Variants in FOCAD observed in about 807,000 individuals in gnomAD.
FOCAD encodes the protein focadhesin.
Under a neutral mutation model 225.6 loss-of-function variants are expected in FOCAD, and 198 were observed. The ratio of observed to expected loss-of-function variants is 0.88; its 90% CI spans 0.78 to 0.99. The LOEUF is 0.99. Ranked by LOEUF, FOCAD falls within the 50% of genes least tolerant of loss-of-function variation. FOCAD has a pLI of 0.00. For missense variants in FOCAD, 2,713 were observed against 2,123.6 expected (o/e 1.28, Z -5.46); for synonymous variants, 897 against 755.0 (o/e 1.19, Z -3.08).
intron 8 of FOCAD, among the ~76,000 whole-genome samples, chr9:20,775,618 C>T (rs1365373010): frequency 6.6e-6 from 1 of 152,142 alleles, no homozygotes; most frequent in Non-Finnish European, 1.5e-5. Context: ...CTTGTTTTCT[C>T]TTTAAAAATA....
chr9:20,904,070 G>C (rs1272663232), intron 21 of FOCAD, among the ~76,000 whole-genome samples: 2 of 151,916 alleles, frequency 1.3e-5, no homozygotes, highest in East Asian at 3.9e-4. Flanking sequence ...TCAAGGTTCA[G>C]CCATAGTGTA....
chr9:20,684,962 C>G (rs1026284793), intron 1 of FOCAD, among the ~76,000 whole-genome samples: 1 of 152,206 alleles, frequency 6.6e-6, no homozygotes, highest in Non-Finnish European at 1.5e-5. Flanking sequence ...TGCATTTACC[C>G]TTCATGAGTT....
At chr9:20,709,782 A>G (rs1468335710) in intron 1 of FOCAD, among the ~76,000 whole-genome samples, 1 of 152,238 alleles carries the variant, frequency 6.6e-6, no homozygotes, top group Non-Finnish European at 1.5e-5. Context: ...TAGGAAAGGT[A>G]AAGTTACTAT....
Position 20,720,553 on chromosome 9 carries a change from TTGGTCAGTTAA to T in FOCAD, c.287+22_287+32del. 6.2e-7 allele frequency: 1 copy of T among 1,611,142 alleles called. No homozygotes were observed. The highest frequency in any genetic ancestry group is 2.2e-5 in the East Asian group (1 of 44,840). On this transcript the variant is annotated intron_variant, in intron 4 of 43. Transcript: ENST00000338382. ...CAACCAGGTACTTTTTCCTCAGTGT[TTGGTCAGTTAA>T]TGATTTAAGTTTTTAGGAAAAAAAT...
At chr9:20,762,263 A>G (rs1015918541) in intron 6 of FOCAD, among the ~76,000 whole-genome samples, 3 of 152,200 alleles carry the variant, frequency 2.0e-5, no homozygotes, top group Non-Finnish European at 4.4e-5. Context: ...TACATACATT[A>G]TCTGATTCCT....
At chr9:20,783,161 C>T (rs990412426) in intron 10 of FOCAD, among the ~76,000 whole-genome samples, 2 of 152,152 alleles carry the variant, frequency 1.3e-5, no homozygotes, top group Non-Finnish European at 2.9e-5. Flanking sequence ...CACCCCAACT[C>T]TAATACATAA....
intron 23 of FOCAD, among the ~76,000 whole-genome samples, chr9:20,913,573 C>G (rs373594284): frequency 2.0e-5 from 3 of 152,160 alleles, no homozygotes; most frequent in Admixed American, 6.5e-5. Context: ...ATAGCTTTGC[C>G]TACAACCACA....
chr9:20,802,322 A>G (rs924843855), intron 11 of FOCAD, among the ~76,000 whole-genome samples: 2 of 152,164 alleles, frequency 1.3e-5, no homozygotes, highest in African/African-American at 4.8e-5. Context: ...GAATTTTATT[A>G]TATTGGAGAA....
At chr9:20,977,721 C>T (rs959492424) in intron 36 of FOCAD, among the ~76,000 whole-genome samples, 2 of 152,156 alleles carry the variant, frequency 1.3e-5, no homozygotes, top group African/African-American at 4.8e-5. Flanking sequence ...TACAATTTTT[C>T]ACTTAAGTGC....
chr9:20,960,848 G>GT (rs550570341), intron 35 of FOCAD, among the ~76,000 whole-genome samples: 19 of 151,616 alleles, frequency 1.3e-4, no homozygotes, highest in African/African-American at 4.1e-4. Context: ...GTGGTGTTTG[G>GT]TTTTTTGTTC....
At position 20,781,936 on chromosome 9, in the gene FOCAD, A is replaced by T; in HGVS notation, c.1197+7A>T. 1 of 1,612,014 alleles carries T rather than the reference A, an allele frequency of 6.2e-7. No individual in the cohort carries two copies. Among genetic ancestry groups the T allele is most frequent in the East Asian group, 2.2e-5 (1 of 44,822 alleles). On this transcript the variant is annotated splice_region_variant and intron_variant, in intron 10 of 43. Transcript: ENST00000338382. ...CAGAGATGACCACCAAAAGGTAATGAATCTATCCTTGTTTCTCTTAAATAA... is the reference window on the plus strand; with the variant it reads ...CAGAGATGACCACCAAAAGGTAATGTATCTATCCTTGTTTCTCTTAAATAA...
At chr9:20,852,272 G>A (rs1049629657) in intron 15 of FOCAD, among the ~76,000 whole-genome samples, 4 of 151,714 alleles carry the variant, frequency 2.6e-5, no homozygotes, top group African/African-American at 9.7e-5. Context: ...TAGATTATAG[G>A]TTTTGTCTTT....
chr9:20,828,990 G>C lies in FOCAD; in HGVS notation c.1920+5875G>C, dbSNP rs548321703. 2.0e-5 allele frequency among the ~76,000 whole-genome samples: 3 copies of C among 152,248 alleles called. No individual in the cohort carries two copies. In the South Asian group the frequency reaches 6.2e-4, roughly 32 times the overall value. On this transcript the variant is annotated intron_variant, in intron 15 of 43. Coordinates refer to ENST00000338382, the MANE Select transcript of FOCAD (RefSeq NM_001375567.1). ...TCTCATTCCTTTTTATGGCTGCATA[G>C]TATTCCATGGTGTATATGTACCACA... is the stretch of plus-strand genomic sequence containing the variant.
At chr9:20,929,853 G>C in intron 27 of FOCAD, among the ~76,000 whole-genome samples, 1 of 152,166 alleles carries the variant, frequency 6.6e-6, no homozygotes, top group East Asian at 1.9e-4. Flanking sequence ...TTCATGCTTA[G>C]ATGAAAGCCC....
chr9:20,822,129 A>G (rs1377326237), intron 14 of FOCAD, among the ~76,000 whole-genome samples: 3 of 151,798 alleles, frequency 2.0e-5, no homozygotes, highest in Non-Finnish European at 4.4e-5. Context: ...TTCTTATTCT[A>G]TATAATTAAA....
Position 20,946,711 on chromosome 9 carries a change from A to G in FOCAD, c.3566A>G (p.Tyr1189Cys). 1 of 1,612,172 alleles carries G rather than the reference A, an allele frequency of 6.2e-7. No homozygotes were observed. The highest frequency in any genetic ancestry group is 2.2e-5 in the East Asian group (1 of 44,748). ...GTATTTTCTTCTCAGGTCCTTGCCTACACACTTAGCTGTGTATGTACATCA... is the reference window on the plus strand; with the variant it reads ...GTATTTTCTTCTCAGGTCCTTGCCTGCACACTTAGCTGTGTATGTACATCA... ...QSRTFQEVLAYTLSCVCTSAF... is the reference protein window; with the variant it reads ...QSRTFQEVLACTLSCVCTSAF... Residue 1189 changes from tyrosine to cysteine, a missense_variant, in exon 30 of 44, where the codon TAC (tyrosine) becomes TGC (cysteine). Coordinates refer to ENST00000338382, the MANE Select transcript of FOCAD (RefSeq NM_001375567.1).
intron 6 of FOCAD, among the ~76,000 whole-genome samples, chr9:20,758,439 T>C (rs548242522): frequency 6.6e-6 from 1 of 152,168 alleles, no homozygotes; most frequent in East Asian, 1.9e-4. Context: ...TATGTATACA[T>C]GTGCCATGCT....
Position 20,823,176 on chromosome 9 carries a change from G to A in FOCAD, c.1920+61G>A, listed in dbSNP as rs1824514017. On this transcript the variant is annotated intron_variant, in intron 15 of 43. Coordinates refer to ENST00000338382, the MANE Select transcript of FOCAD (RefSeq NM_001375567.1). Reference sequence around the variant, plus strand: ...GAAAATCTTTTATAAGGCAGAGTGGGTACAAGAATGTAAGATTAGATTCAA... The same window carrying A: ...GAAAATCTTTTATAAGGCAGAGTGGATACAAGAATGTAAGATTAGATTCAA... The A allele has an allele frequency of 4.0e-6, 6 of 1,498,162 alleles. No homozygotes were observed. The Middle Eastern group carries it at 5.6e-4, about 141-fold the overall frequency. 92.8% of individuals were successfully genotyped at this position (1,498,162 alleles called of 1,614,324 possible).
At chr9:20,876,797 TA>T (rs763853131) in intron 19 of FOCAD, among the ~76,000 whole-genome samples, 1 of 152,108 alleles carries the variant, frequency 6.6e-6, no homozygotes, top group Non-Finnish European at 1.5e-5. Context: ...ATGAATGATA[TA>T]TATTAGTCAC....
Sources: allele counts gnomAD v4.1 joint callset (sites outside exome capture counted in the v4.1 genomes callset), GRCh38; gene constraint gnomAD v4.1.1; transcripts MANE v1.5; gene names NCBI Gene and HGNC (gene_info 2026-07-23, HGNC 2026-07-21).